LRRC1: variants seen among roughly 807,000 people sequenced by gnomAD.
LRRC1 encodes the protein leucine-rich repeat-containing protein 1.
In LRRC1, 28 loss-of-function variants were observed where a neutral mutation model predicts 69.9. The observed-to-expected ratio is 0.40, with a 90% confidence interval of 0.30 to 0.55. LRRC1 has a LOEUF of 0.55. Among genes scored for constraint, LRRC1 ranks in the 20% least tolerant of loss-of-function variants. The probability of loss-of-function intolerance (pLI) is 0.47; values close to 1 mark genes in which losing one functional copy is unlikely to be tolerated. For synonymous variants in LRRC1, 236 were observed against 240.2 expected (o/e 0.98, Z 0.16); for missense variants, 498 against 609.0 (o/e 0.82, Z 1.92).
At chr6:53,851,993 G>T (rs911641903) in intron 2 of LRRC1, among the ~76,000 whole-genome samples, 4 of 152,168 alleles carry the variant, frequency 2.6e-5, no homozygotes, top group Admixed American at 2.6e-4. Context: ...AGAAACTAGA[G>T]GTTTATGTTT....
intron 4 of LRRC1, among the ~76,000 whole-genome samples, chr6:53,890,494 TG>T (rs1254873310): frequency 2.0e-5 from 3 of 152,156 alleles, no homozygotes; most frequent in Admixed American, 1.3e-4. Context: ...GTGATCCATG[TG>T]GCCCCCGGTC....
intron 1 of LRRC1, among the ~76,000 whole-genome samples, chr6:53,822,828 C>T (rs957413761): frequency 2.6e-5 from 4 of 152,152 alleles, no homozygotes; most frequent in African/African-American, 9.7e-5. Flanking sequence ...TGTTTATAGA[C>T]ATTTAACCCC....
intron 4 of LRRC1, among the ~76,000 whole-genome samples, chr6:53,885,516 GT>G (rs1243171136): frequency 6.6e-6 from 1 of 152,178 alleles, no homozygotes; most frequent in Non-Finnish European, 1.5e-5. Context: ...TGTTATCTTT[GT>G]GGAGTCTGAT....
intron 10 of LRRC1, among the ~76,000 whole-genome samples, chr6:53,909,841 G>T (rs534775285): frequency 2.6e-5 from 4 of 152,236 alleles, no homozygotes; most frequent in African/African-American, 9.6e-5. Context: ...TGCCAATGGG[G>T]TGTGTGTTCA....
chr6:53,830,173 G>A (rs1382369880), intron 1 of LRRC1, among the ~76,000 whole-genome samples: 1 of 152,242 alleles, frequency 6.6e-6, no homozygotes, highest in Non-Finnish European at 1.5e-5. Flanking sequence ...ACGAAGGCCA[G>A]GAGTGTTAGT....
intron 1 of LRRC1, among the ~76,000 whole-genome samples, chr6:53,828,965 G>A (rs1024563547): frequency 6.6e-6 from 1 of 152,142 alleles, no homozygotes; most frequent in Non-Finnish European, 1.5e-5. Flanking sequence ...GGTATGTGGT[G>A]GTTTAATAGT....
intron 1 of LRRC1, among the ~76,000 whole-genome samples, chr6:53,800,690 A>T (rs193043321): frequency 6.6e-6 from 1 of 150,916 alleles, no homozygotes; most frequent in Admixed American, 6.6e-5. Context: ...CCCAGTCTGG[A>T]GTGTGGTGAT....
chr6:53,879,712 T>C (rs77617069), intron 3 of LRRC1, among the ~76,000 whole-genome samples: 3 of 152,066 alleles, frequency 2.0e-5, no homozygotes, highest in East Asian at 1.9e-4. Context: ...TTTTTTTTTT[T>C]CCCTGCAAGT....
chr6:53,870,729 A>G (rs1161171947), intron 2 of LRRC1, among the ~76,000 whole-genome samples: 1 of 152,194 alleles, frequency 6.6e-6, no homozygotes, highest in Non-Finnish European at 1.5e-5. Flanking sequence ...ATGGAACACT[A>G]GAACTTATTC....
At chr6:53,892,976 C>T (rs1767752672) in intron 4 of LRRC1, among the ~76,000 whole-genome samples, 1 of 152,188 alleles carries the variant, frequency 6.6e-6, no homozygotes, top group African/African-American at 2.4e-5. Context: ...TCTTCCAGTC[C>T]AGTTACAGAC....
intron 3 of LRRC1, among the ~76,000 whole-genome samples, chr6:53,881,382 A>C (rs1767287712): frequency 6.6e-6 from 1 of 152,222 alleles, no homozygotes; most frequent in Non-Finnish European, 1.5e-5. Flanking sequence ...GTAAAATAAC[A>C]CCTATTTAAA....
At chr6:53,873,564 G>A (rs112347055) in intron 2 of LRRC1, among the ~76,000 whole-genome samples, 1,616 of 151,942 alleles carry the variant, frequency 0.011, 27 homozygotes, top group African/African-American at 0.036. Context: ...CTCCCAAAGC[G>A]CTGGGACCAC....
At chr6:53,904,217 G>A (rs765936821) in intron 9 of LRRC1, among the ~76,000 whole-genome samples, 162 bp from the exon 10 acceptor site, 3 of 151,984 alleles carry the variant, frequency 2.0e-5, no homozygotes, top group African/African-American at 4.8e-5. Context: ...ACTTAATGTC[G>A]CACCCCCTAA....
intron 1 of LRRC1, among the ~76,000 whole-genome samples, chr6:53,800,515 G>A (rs949905327): frequency 6.6e-6 from 1 of 151,820 alleles, no homozygotes; most frequent in Non-Finnish European, 1.5e-5. Context: ...GTCTCCTAAA[G>A]TTCTGGGATT....
intron 1 of LRRC1, among the ~76,000 whole-genome samples, chr6:53,814,375 A>T (rs943750653): frequency 6.6e-6 from 1 of 152,250 alleles, no homozygotes; most frequent in African/African-American, 2.4e-5. Context: ...ATTTCAAAAC[A>T]CCATTGAACC....
intron 1 of LRRC1, among the ~76,000 whole-genome samples, chr6:53,801,650 A>T (rs1156924806): frequency 6.6e-6 from 1 of 151,930 alleles, no homozygotes; most frequent in Non-Finnish European, 1.5e-5. Flanking sequence ...CACCTCTCAT[A>T]CTTAAAAGTG....
At chr6:53,833,048 C>CT (rs1475246658) in intron 1 of LRRC1, among the ~76,000 whole-genome samples, 2 of 152,040 alleles carry the variant, frequency 1.3e-5, no homozygotes, top group Non-Finnish European at 1.5e-5. Flanking sequence ...AGTTCGATAT[C>CT]TTTTTTCTCT....
chr6:53,800,726 A>G (rs185256760), intron 1 of LRRC1, among the ~76,000 whole-genome samples: 1,549 of 149,558 alleles, frequency 0.01, 9 homozygotes, highest in Non-Finnish European at 0.016. Flanking sequence ...TGCAACCTCT[A>G]CCTCCTGGGT....
rs1351438194 is a variant in LRRC1 at position 53,835,973 on chromosome 6, TC to T, written c.160-6135del. ...ACTTTGTGACTTGCTTTGACCAATT[TC>T]CATTGGCAGAAAGGACAACATCAGG... On this transcript the variant is annotated intron_variant, in intron 1 of 13. Transcript: ENST00000370888. 2.0e-5 allele frequency among the ~76,000 whole-genome samples: 3 copies of T among 152,198 alleles called. No individual in the cohort carries two copies. The East Asian group carries it at 5.8e-4, about 29-fold the overall frequency.
Sources: gnomAD v4.1 joint callset for allele counts (sites outside exome capture counted in the v4.1 genomes callset) on GRCh38, gnomAD v4.1.1 for gene constraint, MANE v1.5 for transcripts, NCBI Gene and HGNC (gene_info 2026-07-23, HGNC 2026-07-21) for gene names.